Variants in NR3C2 observed in about 807,000 individuals in gnomAD.
The protein encoded by NR3C2 is nuclear receptor subfamily 3 group C member 2, also known as mineralocorticoid receptor.
NR3C2 carries 15 observed loss-of-function variants against 86.4 expected under a neutral mutation model. That is an observed-to-expected ratio of 0.17 (90% CI 0.12 to 0.27). NR3C2 has a LOEUF of 0.27. Ranked by LOEUF, NR3C2 falls within the 10% of genes least tolerant of loss-of-function variation. The pLI is 1.00. For missense variants in NR3C2, 960 were observed against 1,195.6 expected (o/e 0.80, Z 2.91); for synonymous variants, 458 against 450.5 (o/e 1.02, Z -0.21).
At chr4:148,379,115 A>C (rs1300595169) in intron 2 of NR3C2, among the ~76,000 whole-genome samples, 2 of 152,210 alleles carry the variant, frequency 1.3e-5, no homozygotes, top group Non-Finnish European at 2.9e-5. Flanking sequence ...ACTACTAAAA[A>C]AGGACTGGAA....
chr4:148,158,303 C>T (rs769121375), intron 4 of NR3C2, among the ~76,000 whole-genome samples: 24 of 152,158 alleles, frequency 1.6e-4, no homozygotes, highest in East Asian at 3.8e-4. Context: ...CGTCAACTGA[C>T]GACTCTATCA....
chr4:148,236,476 T>C (rs1042895565), intron 3 of NR3C2, among the ~76,000 whole-genome samples: 4 of 151,904 alleles, frequency 2.6e-5, no homozygotes, highest in Non-Finnish European at 5.9e-5. Context: ...CACTAATACA[T>C]AATAGTATTA....
At chr4:148,375,215 G>A (rs1913024) in intron 2 of NR3C2, among the ~76,000 whole-genome samples, 152 of 152,220 alleles carry the variant, frequency 1.0e-3, no homozygotes, top group African/African-American at 3.5e-3. Flanking sequence ...CACCACTTTG[G>A]GAGGCCGAGG....
In NR3C2 at chr4:148,186,996, GTATATATATATATATATATATA is replaced by G. The variant is rs1162757665; in HGVS notation, c.2014+7728_2014+7749del. On this transcript the variant is annotated intron_variant, in intron 4 of 8. Transcript: ENST00000358102. The stretch of plus-strand genomic sequence containing the variant: ...CCATCATACTGATGTGTGTATGTAT[GTATATATATATATATATATATA>G]TATATATATATATATATATATATAT... Among the ~76,000 whole-genome samples, 27 of 27,202 alleles carry G rather than the reference GTATATATATATATATATATATA, an allele frequency of 9.9e-4. No individual in the cohort carries two copies. The East Asian group carries it at 0.012, about 12-fold the overall frequency. The allele number at this position is 27,202 out of a possible 152,430, so 17.8% of individuals were successfully genotyped here.
chr4:148,138,458 T>A (rs747542973), intron 6 of NR3C2, among the ~76,000 whole-genome samples: 18 of 152,164 alleles, frequency 1.2e-4, no homozygotes, highest in Non-Finnish European at 2.6e-4. Flanking sequence ...CTCGGCTCAC[T>A]GTGGCCTCAA....
At chr4:148,304,540 C>A (rs544518416) in intron 2 of NR3C2, among the ~76,000 whole-genome samples, 1 of 152,008 alleles carries the variant, frequency 6.6e-6, no homozygotes, top group African/African-American at 2.4e-5. Context: ...CTGCTGGGGA[C>A]CCTTAGATAG....
At chr4:148,309,288 T>C (rs1318027259) in intron 2 of NR3C2, among the ~76,000 whole-genome samples, 1 of 152,188 alleles carries the variant, frequency 6.6e-6, no homozygotes, top group Admixed American at 6.5e-5. Context: ...TAAAACTATA[T>C]TTAAAACTAA....
At chr4:148,109,024 T>G (rs948626200) in intron 8 of NR3C2, among the ~76,000 whole-genome samples, 1 of 152,102 alleles carries the variant, frequency 6.6e-6, no homozygotes, top group Non-Finnish European at 1.5e-5. Context: ...CAGCCACAAG[T>G]GTTCTCTCCT....
chr4:148,315,331 G>A (rs1205251116), intron 2 of NR3C2, among the ~76,000 whole-genome samples: 1 of 152,128 alleles, frequency 6.6e-6, no homozygotes, highest in Non-Finnish European at 1.5e-5. Flanking sequence ...ATGATCTGTG[G>A]CATCAACTCC....
chr4:148,417,023 C>T (rs1013803280), intron 2 of NR3C2, among the ~76,000 whole-genome samples: 1 of 152,074 alleles, frequency 6.6e-6, no homozygotes, highest in Non-Finnish European at 1.5e-5. Flanking sequence ...GTGATCCACC[C>T]GCCTCCGCCT....
chr4:148,080,128 T>A lies in NR3C2; in HGVS notation c.*1216A>T, dbSNP rs1730475570. 1 of 152,164 alleles carries A rather than the reference T, an allele frequency of 6.6e-6. No individual in the cohort carries two copies. Among genetic ancestry groups the A allele is most frequent in the Non-Finnish European group, 1.5e-5 (1 of 68,044 alleles). The allele number at this position is 152,164 out of a possible 1,614,324, so 9.4% of individuals were successfully genotyped here. A position where few individuals can be genotyped will look rare whatever the true frequency, so the allele number is the denominator to read the frequency against. The stretch of plus-strand genomic sequence containing the variant: ...CCAAAGCTGCAGCACTCCAAGGACC[T>A]CCTCTCCCACATGTGTTGTCAAATG... On this transcript the variant is annotated 3_prime_UTR_variant, in exon 9 of 9. Transcript: ENST00000358102.
rs1735338279 is a variant in NR3C2, at chr4:148,175,605, ATATATT to A, written c.2014+19135_2014+19140del. ...AAATTTAAGTTTTTGCTTTAAAAAT[ATATATT>A]TATATGCATGCATTATATATCTAAT... On this transcript the variant is annotated intron_variant, in intron 4 of 8. Coordinates refer to ENST00000358102, the MANE Select transcript of NR3C2 (RefSeq NM_000901.5). 2.6e-5 allele frequency among the ~76,000 whole-genome samples: 4 copies of A among 152,362 alleles called. No homozygotes were observed. In the South Asian group the frequency reaches 6.2e-4, roughly 24 times the overall value.
intron 2 of NR3C2, among the ~76,000 whole-genome samples, chr4:148,319,913 T>C (rs1355865488): frequency 1.4e-5 from 2 of 142,882 alleles, no homozygotes; most frequent in African/African-American, 5.4e-5. Context: ...TCCAACACTA[T>C]GTTGAATAGG....
chr4:148,122,328 T>C (rs987794199), intron 6 of NR3C2, among the ~76,000 whole-genome samples: 1 of 152,220 alleles, frequency 6.6e-6, no homozygotes, highest in Non-Finnish European at 1.5e-5. Flanking sequence ...TTGTTTTTCT[T>C]TCTCTCTGCC....
intron 1 of NR3C2, among the ~76,000 whole-genome samples, chr4:148,440,132 T>C (rs1381455197): frequency 3.3e-5 from 5 of 152,216 alleles, no homozygotes; most frequent in Non-Finnish European, 7.3e-5. Flanking sequence ...AGATTGGCAA[T>C]AGTCAAACAC....
chr4:148,430,189 T>C (rs1050494255), intron 2 of NR3C2, among the ~76,000 whole-genome samples: 1 of 152,162 alleles, frequency 6.6e-6, no homozygotes, highest in Admixed American at 6.5e-5. Context: ...AAGTCCGTAG[T>C]ATGTCACCGG....
In NR3C2 at chr4:148,184,933, C is replaced by A. The variant is rs377466368; in HGVS notation, c.2014+9813G>T. Among the ~76,000 whole-genome samples the A allele has an allele frequency of 1.6e-4, 24 of 152,322 alleles. No individual in the cohort carries two copies. In the South Asian group the frequency reaches 3.1e-3, roughly 20 times the overall value. On this transcript the variant is annotated intron_variant, in intron 4 of 8. Coordinates refer to ENST00000358102, the MANE Select transcript of NR3C2 (RefSeq NM_000901.5). The stretch of plus-strand genomic sequence containing the variant: ...CTCACTGCCTGGGCAAGCCACTTAA[C>A]TTCTCTGGGCACCAGAGGCCCACCA...
At chr4:148,260,720 C>A (rs981507358) in intron 2 of NR3C2, among the ~76,000 whole-genome samples, 2 of 152,102 alleles carry the variant, frequency 1.3e-5, no homozygotes, top group Middle Eastern at 3.4e-3. Context: ...AGGGACACAG[C>A]CAATAATAAA....
In NR3C2 at chr4:148,292,255, C is replaced by T. The variant is rs529489354; in HGVS notation, c.1758-32138G>A. Among the ~76,000 whole-genome samples, 25 of 151,938 alleles carry T rather than the reference C, an allele frequency of 1.6e-4. No homozygotes were observed. In the South Asian group the frequency reaches 2.9e-3, roughly 18 times the overall value. Reference sequence around the variant, plus strand: ...TAATTTATAGCACAGAGAGATAAATCACTTTATACACATAAAATCAGCTGT... The same window carrying T: ...TAATTTATAGCACAGAGAGATAAATTACTTTATACACATAAAATCAGCTGT... On this transcript the variant is annotated intron_variant, in intron 2 of 8. Coordinates refer to ENST00000358102, the MANE Select transcript of NR3C2 (RefSeq NM_000901.5).
Sources: gnomAD v4.1 joint callset for allele counts (sites outside exome capture counted in the v4.1 genomes callset) on GRCh38, gnomAD v4.1.1 for gene constraint, MANE v1.5 for transcripts, NCBI Gene and HGNC (gene_info 2026-07-23, HGNC 2026-07-21) for gene names.